Variants in NF1 observed in about 807,000 individuals in gnomAD.
The protein encoded by NF1 is neurofibromin 1.
A neutral mutation model predicts 325.7 loss-of-function variants in NF1; 122 were observed. The ratio of observed to expected loss-of-function variants is 0.37; its 90% confidence interval spans 0.32 to 0.44. NF1 has a LOEUF of 0.44. Ranked by LOEUF, NF1 falls within the 20% of genes least tolerant of loss-of-function variation. NF1 has a pLI of 1.00. For missense variants in NF1, 2,140 were observed against 3,415.4 expected, an observed-to-expected ratio of 0.63 and a Z score of 9.31; for synonymous variants, 1,091 against 1,186.0, an observed-to-expected ratio of 0.92 and a Z score of 1.65.
At chr17:31,134,506 C>T (rs948365938) in intron 1 of NF1, among the ~76,000 whole-genome samples, 2 of 152,080 alleles carry the variant, frequency 1.3e-5, no homozygotes, top group Non-Finnish European at 2.9e-5. Context: ...CAAATGTAGC[C>T]GTTTTGTACA....
chr17:31,347,130 A>C (rs1367160554), intron 48 of NF1, among the ~76,000 whole-genome samples: 1 of 151,638 alleles, frequency 6.6e-6, no homozygotes, highest in Non-Finnish European at 1.5e-5. Flanking sequence ...TTGTAAGATC[A>C]TATCTTATGT....
chr17:31,191,993 A>G (rs2066350423), intron 8 of NF1, among the ~76,000 whole-genome samples: 2 of 152,110 alleles, frequency 1.3e-5, no homozygotes, highest in African/African-American at 4.8e-5. Flanking sequence ...AACTTTTTGT[A>G]TATTCAGAGC....
At chr17:31,329,727 A>T (rs1421723163) in intron 38 of NF1, among the ~76,000 whole-genome samples, 1 of 152,190 alleles carries the variant, frequency 6.6e-6, no homozygotes, top group African/African-American at 2.4e-5. Flanking sequence ...GGAGGACTTA[A>T]TTATAAGTTA....
intron 30 of NF1, chr17:31,252,666 T>C: frequency 4.8e-6 from 2 of 420,694 alleles, no homozygotes; most frequent in South Asian, 8.5e-5. Context: ...TCAAATTCAC[T>C]TGGAGAGAGT....
rs764127894 is a variant in NF1, at chr17:31,305,447, G to C, written c.4836-20373G>C. ...CTGAATTGTGTTGGTTGACCCAAAG[G>C]ATTCCCTGTTGTGTTTTGAGAATTA... On this transcript the variant is annotated intron_variant, in intron 36 of 57. Transcript: ENST00000358273. The C allele has an allele frequency of 1.2e-6, 2 of 1,614,190 alleles. No homozygotes were observed. The highest frequency in any genetic ancestry group is 2.7e-5 in the African/African-American group (2 of 75,044).
chr17:31,200,374 T>C (rs1462399535), intron 8 of NF1, 48 bp from the exon 9 acceptor site: 2 of 1,572,046 alleles, frequency 1.3e-6, no homozygotes, highest in Non-Finnish European at 1.7e-6. Context: ...ACATCTGGAA[T>C]AGAAGAAACT....
intron 30 of NF1, chr17:31,251,732 C>T (rs1048780432): frequency 7.9e-5 from 16 of 201,644 alleles, no homozygotes; most frequent in Non-Finnish European, 1.4e-4. Context: ...TGTATATAGT[C>T]TAAAGTTTGA....
intron 52 of NF1, 29 bp from the exon 53 acceptor site, chr17:31,356,931 G>T (rs753776602): frequency 1.2e-6 from 2 of 1,613,006 alleles, no homozygotes; most frequent in South Asian, 2.2e-5. Context: ...CCAGGTGTTT[G>T]ATCACGTTAA....
intron 1 of NF1, among the ~76,000 whole-genome samples, chr17:31,116,817 G>A (rs1359866428): frequency 2.0e-5 from 3 of 148,628 alleles, no homozygotes; most frequent in Admixed American, 6.7e-5. Flanking sequence ...ACAGGTGCCC[G>A]CCCCCATGCC....
rs190686411 is a variant in NF1, at chr17:31,320,793, G to T, written c.4836-5027G>T. On this transcript the variant is annotated intron_variant, in intron 36 of 57. Coordinates refer to ENST00000358273, the MANE Select transcript of NF1 (RefSeq NM_001042492.3). Reference sequence around the variant, plus strand: ...ATATTTCATGATTCTTCCACAAAAAGAAATACTTGAAATTGGATTAGCAAG... The same window carrying T: ...ATATTTCATGATTCTTCCACAAAAATAAATACTTGAAATTGGATTAGCAAG... 9.5e-4 allele frequency among the ~76,000 whole-genome samples: 144 copies of T among 152,278 alleles called. 1 individual carries two copies. The highest frequency in any genetic ancestry group is 1.8e-4 in the Non-Finnish European group (12 of 67,990).
intron 36 of NF1, 97 bp downstream of exon 36, chr17:31,265,436 A>G: frequency 1.2e-6 from 1 of 845,726 alleles, no homozygotes; most frequent in South Asian, 1.4e-5. Context: ...TTGACTTAAC[A>G]GGAATTGAAG....
In NF1 at chr17:31,325,808, C is replaced by A. The variant is rs1366488544; in HGVS notation, c.4836-12C>A. ...TGCTAATAATCTTTGTCTTTTTTGT[C>A]ATTTTCCTTAGGTTCAAAACTGGTC... On this transcript the variant is annotated splice_polypyrimidine_tract_variant and intron_variant, in intron 36 of 57. Coordinates refer to ENST00000358273, the MANE Select transcript of NF1 (RefSeq NM_001042492.3). The A allele has an allele frequency of 6.2e-7, 1 of 1,608,224 alleles. No individual in the cohort carries two copies. Among genetic ancestry groups the A allele is most frequent in the South Asian group, 1.1e-5 (1 of 90,488 alleles).
At chr17:31,342,925 T>C (rs1028763737) in intron 47 of NF1, 84 bp from the exon 48 acceptor site, 20 of 1,515,990 alleles carry the variant, frequency 1.3e-5, no homozygotes, top group Admixed American at 3.4e-5. Flanking sequence ...TATCTTGTCA[T>C]ACTATTGAAC....
At chr17:31,168,640 T>TG (rs202060992) in intron 4 of NF1, among the ~76,000 whole-genome samples, 39 of 151,824 alleles carry the variant, frequency 2.6e-4, no homozygotes, top group African/African-American at 3.1e-4. Context: ...TTCATTTGGC[T>TG]GGGGGGGGAC....
intron 39 of NF1, among the ~76,000 whole-genome samples, chr17:31,333,932 AT>A (rs956310812): frequency 6.6e-6 from 1 of 152,208 alleles, no homozygotes; most frequent in Non-Finnish European, 1.5e-5. Flanking sequence ...TGTCTTATAA[AT>A]GTGAAGCTTT....
intron 30 of NF1, 72 bp from the exon 31 acceptor site, chr17:31,252,866 C>G (rs1218732522): frequency 8.1e-7 from 1 of 1,229,816 alleles, no homozygotes; most frequent in East Asian, 2.3e-5. Flanking sequence ...ATTTTATGTA[C>G]AAGCCAACAT....
At chr17:31,137,341 TAG>T (rs1390124754) in intron 1 of NF1, 1 of 152,248 alleles carries the variant, frequency 6.6e-6, no homozygotes, top group East Asian at 1.9e-4. Flanking sequence ...CTGAGCCAAG[TAG>T]TGTACTGTGA....
intron 36 of NF1, among the ~76,000 whole-genome samples, chr17:31,268,083 T>A (rs899806540): frequency 2.3e-4 from 35 of 152,350 alleles, no homozygotes; most frequent in Non-Finnish European, 4.4e-4. Flanking sequence ...GCTCTTTGAC[T>A]GTCTCTCGGT....
chr17:31,207,208 C>T (rs376021932), intron 12 of NF1, among the ~76,000 whole-genome samples: 1 of 152,092 alleles, frequency 6.6e-6, no homozygotes, highest in African/African-American at 2.4e-5. Flanking sequence ...AAGTATGACC[C>T]ATTGTAACTA....
Sources: gnomAD v4.1 joint callset for allele counts (sites outside exome capture counted in the v4.1 genomes callset) on GRCh38, gnomAD v4.1.1 for gene constraint, MANE v1.5 for transcripts, NCBI Gene and HGNC (gene_info 2026-07-23, HGNC 2026-07-21) for gene names.